UQCRH: variants seen among roughly 807,000 people sequenced by gnomAD.
UQCRH encodes the protein cytochrome b-c1 complex subunit 6, mitochondrial.
A neutral mutation model predicts 16.3 loss-of-function variants in UQCRH; 14 were observed. That is an observed-to-expected ratio of 0.86 (90% CI 0.57 to 1.34). The LOEUF is 1.34. UQCRH is among the 40% of genes most tolerant of loss of function. UQCRH has a pLI of 0.00. For synonymous variants in UQCRH, 41 were observed against 41.9 expected, an observed-to-expected ratio of 0.98 and a Z score of 0.08; for missense variants, 89 against 111.9, an observed-to-expected ratio of 0.80 and a Z score of 0.92.
chr1:46,307,323 G>A (rs1053419440), intron 1 of UQCRH, among the ~76,000 whole-genome samples: 3 of 152,178 alleles, frequency 2.0e-5, no homozygotes, highest in Non-Finnish European at 2.9e-5. Flanking sequence ...GGGATTACAG[G>A]TGTGAACCAC....
intron 1 of UQCRH, among the ~76,000 whole-genome samples, chr1:46,304,813 G>C (rs2148331436): frequency 6.6e-6 from 1 of 152,256 alleles, no homozygotes; most frequent in East Asian, 1.9e-4. Flanking sequence ...TACCAAATTG[G>C]TGCAGCCAGG....
intron 3 of UQCRH, among the ~76,000 whole-genome samples, chr1:46,315,823 T>C (rs939522109): frequency 1.3e-5 from 2 of 152,184 alleles, no homozygotes; most frequent in Non-Finnish European, 2.9e-5. Context: ...AGTCATGATC[T>C]GTTCCCTGAA....
intron 2 of UQCRH, chr1:46,309,841 C>A: frequency 1.5e-6 from 2 of 1,303,756 alleles, no homozygotes; most frequent in African/African-American, 3.0e-5. Context: ...CAAGTAAGGC[C>A]TCCTATAGAT....
At chr1:46,311,776 T>G (rs190548901) in intron 3 of UQCRH, among the ~76,000 whole-genome samples, 53 of 151,308 alleles carry the variant, frequency 3.5e-4, no homozygotes, top group African/African-American at 9.2e-4. Flanking sequence ...TTTTGTTTTT[T>G]TTTGTTTGTT....
chr1:46,310,678 G>T lies in UQCRH; in HGVS notation c.243+362G>T, dbSNP rs577950732. Among the ~76,000 whole-genome samples, 5 of 152,154 alleles carry T rather than the reference G, an allele frequency of 3.3e-5. No homozygotes were observed. In the South Asian group the frequency reaches 1.0e-3, roughly 32 times the overall value. ...TGACGGGGCCTTGTTATGTTGCCCA[G>T]GCTGGTCTCAAACTCCTGGGCTCAA... On this transcript the variant is annotated intron_variant, in intron 3 of 3. Coordinates refer to ENST00000311672, the MANE Select transcript of UQCRH (RefSeq NM_006004.4).
At chr1:46,315,359 G>A (rs988322334) in intron 3 of UQCRH, among the ~76,000 whole-genome samples, 1 of 151,904 alleles carries the variant, frequency 6.6e-6, no homozygotes, top group Non-Finnish European at 1.5e-5. Context: ...CAGGAGAATC[G>A]CTTGAACCTG....
intron 1 of UQCRH, among the ~76,000 whole-genome samples, chr1:46,306,919 C>A (rs1338457466): frequency 2.0e-5 from 3 of 152,118 alleles, no homozygotes; most frequent in Non-Finnish European, 4.4e-5. Flanking sequence ...GGGTCTCACT[C>A]TTGTCACCCA....
At chr1:46,314,441 C>G (rs1661540899) in intron 3 of UQCRH, among the ~76,000 whole-genome samples, 1 of 151,412 alleles carries the variant, frequency 6.6e-6, no homozygotes, top group African/African-American at 2.4e-5. Flanking sequence ...GAGGCCGAGG[C>G]AAGTGGATCA....
chr1:46,305,556 C>T (rs1003166613), intron 1 of UQCRH, among the ~76,000 whole-genome samples: 17 of 151,170 alleles, frequency 1.1e-4, no homozygotes, highest in Non-Finnish European at 2.2e-4. Context: ...AGATCCAAAC[C>T]ATCCTGGCTA....
intron 3 of UQCRH, among the ~76,000 whole-genome samples, chr1:46,313,680 G>GATAGAT (rs1661525288): frequency 6.7e-6 from 1 of 149,468 alleles, no homozygotes; most frequent in Non-Finnish European, 1.5e-5. Context: ...TAGATAGATA[G>GATAGAT]ATAGATATAG....
Position 46,304,387 on chromosome 1 carries a change from A to AT in UQCRH, c.54+583dup, listed in dbSNP as rs10581963. Among the ~76,000 whole-genome samples, 30 of 141,952 alleles carry AT rather than the reference A, an allele frequency of 2.1e-4. 1 individual carries two copies. Among genetic ancestry groups the AT allele is most frequent in the Middle Eastern group, 7.1e-3 (2 of 280 alleles). 93.1% of individuals were successfully genotyped at this position (141,952 alleles called of 152,430 possible). A position where few individuals can be genotyped will look rare whatever the true frequency, so the allele number is the denominator to read the frequency against. On this transcript the variant is annotated intron_variant, in intron 1 of 3. Transcript: ENST00000311672. ...CCAAGTGCTTTATATGCACTAATTA[A>AT]TTTTTTTTTTTTTTTTGAGATGGAA... is the stretch of plus-strand genomic sequence containing the variant.
At position 46,309,065 on chromosome 1, in the gene UQCRH, A is replaced by G. The variant is rs199727654; in HGVS notation, c.55-36A>G. The G allele has an allele frequency of 3.7e-6, 6 of 1,610,996 alleles. No homozygotes were observed. In the East Asian group the frequency reaches 1.3e-4, roughly 36 times the overall value. On this transcript the variant is annotated intron_variant, in intron 1 of 3. Coordinates refer to ENST00000311672, the MANE Select transcript of UQCRH (RefSeq NM_006004.4). ...TGATCAGGAATAAATATGTCATAAA[A>G]TTGCTGCTGACATTAATTTTGTTTT...
At chr1:46,306,303 C>G (rs1661372061) in intron 1 of UQCRH, among the ~76,000 whole-genome samples, 1 of 150,600 alleles carries the variant, frequency 6.6e-6, no homozygotes, top group African/African-American at 2.4e-5. Context: ...ATATAAGGGT[C>G]TTGTATCTAC....
intron 2 of UQCRH, 32 bp downstream of exon 2, chr1:46,309,159 A>T: frequency 1.9e-6 from 3 of 1,586,444 alleles, no homozygotes; most frequent in Non-Finnish European, 2.6e-6. Context: ...GAAACATCTC[A>T]GTAAAAGCAG....
chr1:46,313,745 T>G (rs1344714730), intron 3 of UQCRH, among the ~76,000 whole-genome samples: 2 of 147,790 alleles, frequency 1.4e-5, no homozygotes, highest in Non-Finnish European at 3.0e-5. Context: ...GAGGCTGAGG[T>G]GGGAGGATCA....
Position 46,306,380 on chromosome 1 carries a change from G to GTTTTTT in UQCRH, c.54+2574_54+2579dup, listed in dbSNP as rs58917170. 1.4e-4 allele frequency among the ~76,000 whole-genome samples: 18 copies of GTTTTTT among 125,182 alleles called. 1 individual carries two copies. Among genetic ancestry groups the GTTTTTT allele is most frequent in the Non-Finnish European group, 1.8e-4 (11 of 60,028 alleles). 82.1% of individuals were successfully genotyped at this position (125,182 alleles called of 152,430 possible). On this transcript the variant is annotated intron_variant, in intron 1 of 3. Coordinates refer to ENST00000311672, the MANE Select transcript of UQCRH (RefSeq NM_006004.4). ...TAGTTTTTTTGGGAAAACTTTTTCA[G>GTTTTTT]TTTTTTTTTTTTTTTTTTTGTGACG... is the stretch of plus-strand genomic sequence containing the variant.
At chr1:46,305,476 CGAGGCGGGTGGATCGGGAG>C (rs1298422858) in intron 1 of UQCRH, among the ~76,000 whole-genome samples, 1 of 13,770 alleles carries the variant, frequency 7.3e-5, no homozygotes, top group African/African-American at 1.5e-4. Context: ...TTTGGGAGGC[CGAGGCGGGTGGATCGGGAG>C]GCCGAGGCGG....
At chr1:46,312,302 A>G (rs911808811) in intron 3 of UQCRH, among the ~76,000 whole-genome samples, 1 of 151,702 alleles carries the variant, frequency 6.6e-6, no homozygotes, top group African/African-American at 2.4e-5. Flanking sequence ...ACGGGGTTTC[A>G]CCATGTTGGC....
chr1:46,310,435 CAT>C (rs1419469890), intron 3 of UQCRH, 119 bp downstream of exon 3: 2 of 1,439,850 alleles, frequency 1.4e-6, no homozygotes, highest in African/African-American at 2.8e-5. Context: ...ATATATGTGA[CAT>C]ATGGTGCGCT....
Sources: allele counts gnomAD v4.1 joint callset (sites outside exome capture counted in the v4.1 genomes callset), GRCh38; gene constraint gnomAD v4.1.1; transcripts MANE v1.5; gene names NCBI Gene and HGNC (gene_info 2026-07-23, HGNC 2026-07-21).